The following DYRK4 variants were observed in gnomAD, a reference collection of about 807,000 sequenced individuals.
The protein encoded by DYRK4 is dual specificity tyrosine phosphorylation regulated kinase 4.
A neutral mutation model predicts 68.3 loss-of-function variants in DYRK4; 64 were observed. That is an observed-to-expected ratio of 0.94 (90% confidence interval 0.77 to 1.15). The LOEUF (loss-of-function observed/expected upper bound fraction) is 1.15, where lower values mean the gene tolerates loss of function less well. Ranked by LOEUF, DYRK4 falls within the 50% of genes most tolerant of loss-of-function variation. The probability of loss-of-function intolerance (pLI) is 0.00; values close to 1 mark genes in which losing one functional copy is unlikely to be tolerated. For synonymous variants in DYRK4, 274 were observed against 289.9 expected, an observed-to-expected ratio of 0.95 and a Z score of 0.56; for missense variants, 740 against 764.7, an observed-to-expected ratio of 0.97 and a Z score of 0.38.
rs61731950 is a variant in DYRK4, at chr12:4,591,172, C to G, written c.337C>G (p.His113Asp). ...TTTTCCTGGACAGGAGAATCAAGCT[C>G]ACAATCAGATGCCGGCCTCAGAGCT... ...SSLLYQENQA[H>D]NQMPASELKA... The change falls in exon 5 of 15, where the codon CAC (histidine) becomes GAC (aspartate). Residue 113 changes from histidine to aspartate, a missense_variant. Physicochemically the swap from His to Asp is moderately conservative, Grantham distance 81. Transcript: ENST00000543431. This position sits in a 1 kb window ranked among gnomAD's most constrained non-coding sequence, Gnocchi z 4.1. 2.2e-3 allele frequency: 3,526 copies of G among 1,614,008 alleles called. 84 individuals carry two copies. In the African/African-American group the frequency reaches 0.042, roughly 19 times the overall value.
At chr12:4,610,061 CAA>C (rs1171087207) in intron 12 of DYRK4, 92 bp from the exon 13 acceptor site, 2 of 1,157,424 alleles carry the variant, frequency 1.7e-6, no homozygotes, top group African/African-American at 1.6e-5. Context: ...AGACAGAGAG[CAA>C]AAGAGCTACA....
intron 2 of DYRK4, among the ~76,000 whole-genome samples, chr12:4,579,586 G>A (rs1169613012): frequency 6.6e-6 from 1 of 152,166 alleles, no homozygotes; most frequent in African/African-American, 2.4e-5. Context: ...TGGAGGGAGG[G>A]CATTTCAGGC....
chr12:4,565,554 CCTT>C (rs1320402558), intron 1 of DYRK4, among the ~76,000 whole-genome samples: 3 of 152,114 alleles, frequency 2.0e-5, no homozygotes, highest in Admixed American at 6.5e-5. Flanking sequence ...AGTGTTTGCT[CCTT>C]CTCTGCCTCC....
intron 8 of DYRK4, 51 bp from the exon 9 acceptor site, chr12:4,598,977 C>T: frequency 6.2e-7 from 1 of 1,603,750 alleles, no homozygotes; most frequent in South Asian, 1.1e-5. Flanking sequence ...TCAAACTCAG[C>T]CTTATATGTT....
At chr12:4,566,566 G>A (rs1264350142) in intron 1 of DYRK4, among the ~76,000 whole-genome samples, 2 of 152,328 alleles carry the variant, frequency 1.3e-5, no homozygotes, top group East Asian at 3.9e-4. Flanking sequence ...GCAGAAGGCT[G>A]TATTAATACA....
At chr12:4,585,454 A>G (rs1944886602) in intron 2 of DYRK4, among the ~76,000 whole-genome samples, 1 of 152,244 alleles carries the variant, frequency 6.6e-6, no homozygotes, top group Admixed American at 6.5e-5. Context: ...AGCCATAAAA[A>G]ATGATGAGTT....
intron 6 of DYRK4, among the ~76,000 whole-genome samples, 174 bp from the exon 7 acceptor site, chr12:4,595,975 G>A (rs1945013016): frequency 6.6e-6 from 1 of 152,210 alleles, no homozygotes; most frequent in Admixed American, 6.5e-5. Context: ...CAGGCAACAA[G>A]CTCCTCATCA....
In DYRK4 at chr12:4,589,070, G is replaced by T; in HGVS notation, c.213+53G>T. The T allele has an allele frequency of 4.0e-6, 6 of 1,507,960 alleles. No individual in the cohort carries two copies. In the South Asian group the frequency reaches 4.8e-5, roughly 12 times the overall value. 93.4% of individuals were successfully genotyped at this position (1,507,960 alleles called of 1,614,324 possible). On this transcript the variant is annotated intron_variant, in intron 3 of 14. Transcript: ENST00000543431. ...TCTAGGAGAGAATGAGGAGAGGTGG[G>T]TGGCCAGGGTAGCTTTGAACAGACA...
intron 12 of DYRK4, among the ~76,000 whole-genome samples, chr12:4,608,821 G>A (rs1945184307): frequency 6.6e-6 from 1 of 152,210 alleles, no homozygotes; most frequent in Non-Finnish European, 1.5e-5. Context: ...GCAGGGCAGT[G>A]TCCTGGTTGC....
At chr12:4,599,275 T>A (rs67444003) in intron 9 of DYRK4, 109 bp downstream of exon 9, 1 of 646,056 alleles carries the variant, frequency 1.5e-6, no homozygotes, top group Non-Finnish European at 2.2e-6. Flanking sequence ...TTTGACTTTT[T>A]TTTTTTTTTT....
In DYRK4 at chr12:4,588,682, T is replaced by C. The variant is rs190533506; in HGVS notation, c.133-255T>C. Among the ~76,000 whole-genome samples, 53 of 152,328 alleles carry C rather than the reference T, an allele frequency of 3.5e-4. 1 individual carries two copies. The highest frequency in any genetic ancestry group is 2.0e-3 in the Admixed American group (30 of 15,310). On this transcript the variant is annotated intron_variant, in intron 2 of 14. Transcript: ENST00000543431. Reference sequence around the variant, plus strand: ...GATTTTGTTGGAAGAAAAGGCCATATTGATTTTTTTTAAAGCATGAAAACC... The same window carrying C: ...GATTTTGTTGGAAGAAAAGGCCATACTGATTTTTTTTAAAGCATGAAAACC...
At chr12:4,567,606 T>G (rs1391607438) in intron 1 of DYRK4, among the ~76,000 whole-genome samples, 1 of 152,234 alleles carries the variant, frequency 6.6e-6, no homozygotes, top group African/African-American at 2.4e-5. Flanking sequence ...CATTAAACTA[T>G]CTAAGTAGCC....
intron 2 of DYRK4, among the ~76,000 whole-genome samples, chr12:4,568,731 C>A (rs543207027): frequency 6.6e-6 from 1 of 152,304 alleles, no homozygotes; most frequent in South Asian, 2.1e-4. Flanking sequence ...TTTCCTTTCA[C>A]TCTGCCTCAA....
intron 2 of DYRK4, among the ~76,000 whole-genome samples, chr12:4,586,494 C>G (rs1273881554): frequency 6.6e-6 from 1 of 152,154 alleles, no homozygotes; most frequent in Non-Finnish European, 1.5e-5. Context: ...TTCCTTTTGC[C>G]TCCCAGCGAT....
At chr12:4,584,552 C>CCT (rs1944875410) in intron 2 of DYRK4, among the ~76,000 whole-genome samples, 1 of 103,882 alleles carries the variant, frequency 9.6e-6, no homozygotes, top group African/African-American at 3.6e-5. Flanking sequence ...TCTAATCAGC[C>CCT]TTTTTTTTTT....
intron 2 of DYRK4, among the ~76,000 whole-genome samples, chr12:4,579,809 A>C (rs533490741): frequency 9.0e-4 from 137 of 152,304 alleles, no homozygotes; most frequent in African/African-American, 3.0e-3. Context: ...TAAAAGCATG[A>C]TCTTACTTTT....
intron 10 of DYRK4, among the ~76,000 whole-genome samples, chr12:4,604,142 G>C (rs1275475923): frequency 6.6e-6 from 1 of 152,138 alleles, no homozygotes; most frequent in Non-Finnish European, 1.5e-5. Context: ...AATCGTGCCT[G>C]GCACATACTA....
At chr12:4,565,810 G>A (rs1944670727) in intron 1 of DYRK4, among the ~76,000 whole-genome samples, 1 of 151,586 alleles carries the variant, frequency 6.6e-6, no homozygotes, top group African/African-American at 2.4e-5. Context: ...TGTATTTTTA[G>A]TAGAGATGGA....
chr12:4,580,881 G>A, intron 2 of DYRK4: 1 of 455,960 alleles, frequency 2.2e-6, no homozygotes, highest in Non-Finnish European at 4.4e-6. Flanking sequence ...AAGTATGACT[G>A]AGGCGGGATG....
Sources: gnomAD v4.1 joint callset for allele counts (sites outside exome capture counted in the v4.1 genomes callset) on GRCh38, gnomAD v4.1.1 for gene constraint, Gnocchi (gnomAD v3.1) non-coding constraint, MANE v1.5 for transcripts, NCBI Gene and HGNC (gene_info 2026-07-23, HGNC 2026-07-21) for gene names.